Variants in ASB3 observed in about 807,000 individuals in gnomAD.
ASB3 encodes the protein ankyrin repeat and SOCS box protein 3.
Under a neutral mutation model 54.5 loss-of-function variants are expected in ASB3, and 41 were observed. The ratio of observed to expected loss-of-function variants is 0.75; its 90% CI spans 0.59 to 0.98. The LOEUF (loss-of-function observed/expected upper bound fraction) is 0.98, where lower values mean the gene tolerates loss of function less well. ASB3 is among the 50% of genes least tolerant of loss of function. The pLI is 0.00. For synonymous variants in ASB3, 266 were observed against 221.2 expected, an observed-to-expected ratio of 1.20 and a Z score of -1.80; for missense variants, 733 against 620.0, an observed-to-expected ratio of 1.18 and a Z score of -1.94.
At chr2:53,742,244 C>T (rs1249249730) in intron 3 of ASB3, among the ~76,000 whole-genome samples, 2 of 152,200 alleles carry the variant, frequency 1.3e-5, no homozygotes, top group Admixed American at 6.5e-5. Context: ...GTCCAAAAAT[C>T]CTGAGTCTAA....
chr2:53,702,654 G>A (rs1669554970), intron 7 of ASB3, among the ~76,000 whole-genome samples: 1 of 152,114 alleles, frequency 6.6e-6, no homozygotes, highest in South Asian at 2.1e-4. Context: ...TGAGAGGAGA[G>A]ATTTAAAAAT....
rs917693336 is a variant in ASB3, at chr2:53,763,513, T to A, written c.196+1864A>T. On this transcript the variant is annotated intron_variant, in intron 2 of 9. Transcript: ENST00000263634. ...TATGTGTGTATAGGACGTTTTCCTA[T>A]CTTCAGGGCAGACTGCCGAACTTGA... 2.4e-5 allele frequency: 4 copies of A among 169,342 alleles called. No homozygotes were observed. In the Middle Eastern group the frequency reaches 1.5e-3, roughly 65 times the overall value. The allele number at this position is 169,342 out of a possible 1,614,324, so 10.5% of individuals were successfully genotyped here. A position where few individuals can be genotyped will look rare whatever the true frequency, so the allele number is the denominator to read the frequency against.
chr2:53,706,688 G>T (rs573951049), intron 7 of ASB3, among the ~76,000 whole-genome samples: 1 of 152,020 alleles, frequency 6.6e-6, no homozygotes, highest in Non-Finnish European at 1.5e-5. Context: ...CTCGTGATCC[G>T]CCCACCTTGC....
At chr2:53,726,635 C>A (rs995143511) in intron 5 of ASB3, among the ~76,000 whole-genome samples, 2 of 150,966 alleles carry the variant, frequency 1.3e-5, no homozygotes, top group Admixed American at 1.3e-4. Context: ...TATATATACA[C>A]ATATATATAC....
chr2:53,732,760 C>T (rs933613509), intron 3 of ASB3, among the ~76,000 whole-genome samples: 2 of 152,070 alleles, frequency 1.3e-5, no homozygotes, highest in African/African-American at 4.8e-5. Flanking sequence ...TTTTCACAGC[C>T]CTTGTTAATT....
Position 53,771,935 on chromosome 2 carries a change from A to AG in ASB3, c.-13-6351_-13-6350insC, listed in dbSNP as rs1476261807. The AG allele has an allele frequency of 2.6e-6, 4 of 1,549,160 alleles. No homozygotes were observed. In the African/African-American group the frequency reaches 5.5e-5, roughly 21 times the overall value. On this transcript the variant is annotated intron_variant, in intron 1 of 9. Transcript: ENST00000263634. Reference sequence around the variant, plus strand: ...GGAAGAGTTGTGACTCTTGTTGAAGATCCTGCGGTATGGTATAAATATTCT... The same window carrying AG: ...GGAAGAGTTGTGACTCTTGTTGAAGAGTCCTGCGGTATGGTATAAATATTCT...
intron 1 of ASB3, among the ~76,000 whole-genome samples, chr2:53,775,827 C>T (rs1674302951): frequency 6.6e-6 from 1 of 152,126 alleles, no homozygotes; most frequent in South Asian, 2.1e-4. Flanking sequence ...ATTTTGTTAC[C>T]TGCATAGATT....
At chr2:53,781,342 G>A (rs973612269) in intron 1 of ASB3, among the ~76,000 whole-genome samples, 2 of 151,316 alleles carry the variant, frequency 1.3e-5, no homozygotes, top group South Asian at 2.1e-4. Flanking sequence ...AGCCCAGGAG[G>A]TTGAGGCTAC....
At chr2:53,728,571 T>G in intron 5 of ASB3, 141 bp downstream of exon 5, 1 of 1,133,858 alleles carries the variant, frequency 8.8e-7, no homozygotes, top group Non-Finnish European at 1.2e-6. Context: ...ATAAATCAAT[T>G]TGTATTTACT....
chr2:53,687,801 T>C (rs992262983), intron 9 of ASB3, among the ~76,000 whole-genome samples: 2 of 152,158 alleles, frequency 1.3e-5, no homozygotes, highest in African/African-American at 4.8e-5. Flanking sequence ...TATATACTGC[T>C]CCATTATTTG....
chr2:53,692,180 C>T (rs538590986), intron 9 of ASB3, among the ~76,000 whole-genome samples: 1 of 152,216 alleles, frequency 6.6e-6, no homozygotes, highest in African/African-American at 2.4e-5. Context: ...CACCCCTATG[C>T]TATGGATGAA....
chr2:53,777,918 G>A (rs921945611), intron 1 of ASB3, among the ~76,000 whole-genome samples: 4 of 152,180 alleles, frequency 2.6e-5, no homozygotes, highest in Non-Finnish European at 4.4e-5. Context: ...AGACCAAGGC[G>A]GGTGGATCGC....
At chr2:53,688,904 G>A (rs369855174) in intron 9 of ASB3, among the ~76,000 whole-genome samples, 1 of 151,870 alleles carries the variant, frequency 6.6e-6, no homozygotes, top group African/African-American at 2.4e-5. Flanking sequence ...TGCACGTCCT[G>A]CACATGTATC....
intron 1 of ASB3, among the ~76,000 whole-genome samples, chr2:53,766,872 T>C (rs1033493426): frequency 6.6e-6 from 1 of 152,164 alleles, no homozygotes; most frequent in Non-Finnish European, 1.5e-5. Flanking sequence ...AATCTGAGTG[T>C]TTTAGCATTC....
At chr2:53,691,045 GT>G (rs1326646242) in intron 9 of ASB3, among the ~76,000 whole-genome samples, 1 of 152,186 alleles carries the variant, frequency 6.6e-6, no homozygotes, top group Non-Finnish European at 1.5e-5. Context: ...TTAGGCTGAT[GT>G]TTCTAAGAGG....
chr2:53,726,997 T>C (rs894197933), intron 5 of ASB3, among the ~76,000 whole-genome samples: 1 of 152,136 alleles, frequency 6.6e-6, no homozygotes, highest in Non-Finnish European at 1.5e-5. Flanking sequence ...TTGAAACTTA[T>C]GGGACTGCAA....
intron 7 of ASB3, among the ~76,000 whole-genome samples, chr2:53,712,490 C>T (rs1670156082): frequency 6.6e-6 from 1 of 152,140 alleles, no homozygotes; most frequent in African/African-American, 2.4e-5. Flanking sequence ...AATCCAGAAA[C>T]CTATTTAAGA....
intron 7 of ASB3, among the ~76,000 whole-genome samples, chr2:53,712,533 A>G (rs1480427932): frequency 3.3e-5 from 5 of 152,212 alleles, no homozygotes; most frequent in Non-Finnish European, 2.9e-5. Flanking sequence ...ATCCGAATCT[A>G]CAGAAGGCAT....
At chr2:53,763,152 C>T (rs1673239816) in intron 2 of ASB3, among the ~76,000 whole-genome samples, 1 of 152,076 alleles carries the variant, frequency 6.6e-6, no homozygotes, top group Non-Finnish European at 1.5e-5. Flanking sequence ...GAAGCCAAGG[C>T]AGGAGGATCA....
Sources: allele counts gnomAD v4.1 joint callset (sites outside exome capture counted in the v4.1 genomes callset), GRCh38; gene constraint gnomAD v4.1.1; transcripts MANE v1.5; gene names NCBI Gene and HGNC (gene_info 2026-07-23, HGNC 2026-07-21).